Variants in KIF13B observed in about 807,000 individuals in gnomAD.
KIF13B encodes the protein kinesin-like protein KIF13B.
In KIF13B, 127 loss-of-function variants were observed where a neutral mutation model predicts 222.0. The observed-to-expected ratio is 0.57, with a 90% CI of 0.50 to 0.66. The LOEUF (loss-of-function observed/expected upper bound fraction) is 0.66. Ranked by LOEUF, KIF13B falls within the 30% of genes least tolerant of loss-of-function variation. The probability of loss-of-function intolerance (pLI) is 0.00; values close to 1 mark genes in which losing one functional copy is unlikely to be tolerated. For synonymous variants in KIF13B, 976 were observed against 919.0 expected (o/e 1.06, Z -1.12); for missense variants, 2,173 against 2,379.0 (o/e 0.91, Z 1.80).
At chr8:29,208,529 C>T (rs1299502860) in intron 2 of KIF13B, among the ~76,000 whole-genome samples, 1 of 151,994 alleles carries the variant, frequency 6.6e-6, no homozygotes, top group Non-Finnish European at 1.5e-5. Flanking sequence ...TAAAATAGTC[C>T]AGAGTCTATA....
rs1365888678 is a variant in KIF13B at position 29,177,462 on chromosome 8, T to C, written c.833+4A>G. The stretch of plus-strand genomic sequence containing the variant: ...CAATAAAAATAAGCTTTGAGAGCAC[T>C]TACTTGTTAATGTTGCTCCCTTCCT... On this transcript the variant is annotated splice_donor_region_variant and intron_variant, in intron 9 of 39. Coordinates refer to ENST00000524189, the MANE Select transcript of KIF13B (RefSeq NM_015254.4). The C allele has an allele frequency of 6.4e-7, 1 of 1,570,654 alleles. No homozygotes were observed. Among genetic ancestry groups the C allele is most frequent in the East Asian group, 2.2e-5 (1 of 44,714 alleles).
chr8:29,070,363 C>A lies in KIF13B; in HGVS notation c.*141G>T. The A allele has an allele frequency of 1.1e-6, 1 of 909,140 alleles. No individual in the cohort carries two copies. 56.3% of individuals were successfully genotyped at this position (909,140 alleles called of 1,614,324 possible). A position where few individuals can be genotyped will look rare whatever the true frequency, so the allele number is the denominator to read the frequency against. ...AGCTTCCAGAGGCCCAGGGAGGTCACCAGCCCTGTGTCGTGCAAAAAGCAT... is the reference window on the plus strand; with the variant it reads ...AGCTTCCAGAGGCCCAGGGAGGTCAACAGCCCTGTGTCGTGCAAAAAGCAT... On this transcript the variant is annotated 3_prime_UTR_variant, in exon 40 of 40. Transcript: ENST00000524189. This position sits in a 1 kb window ranked among gnomAD's most constrained non-coding sequence, Gnocchi z 4.1.
rs1811066520 is a variant in KIF13B at position 29,146,524 on chromosome 8, T to C, written c.2041A>G (p.Asn681Asp). The change falls in exon 18 of 40, where the codon AAC (asparagine) becomes GAC (aspartate). Residue 681 changes from asparagine to aspartate, a missense_variant. This residue lies in a region of KIF13B where 1,480 missense variants were observed against 1,722.8 expected (regional missense o/e 0.86). Coordinates refer to ENST00000524189, the MANE Select transcript of KIF13B (RefSeq NM_015254.4). The stretch of plus-strand genomic sequence containing the variant: ...TGTTCCCTCAGCCTCATCAGGCTGT[T>C]ATTCAACGTTGCTTCTCTAAAAAAA... ...WAEEREATLN[N>D]SLMRLREQIV... 6.2e-7 allele frequency: 1 copy of C among 1,613,524 alleles called. No individual in the cohort carries two copies. Among genetic ancestry groups the C allele is most frequent in the South Asian group, 1.1e-5 (1 of 90,996 alleles).
At chr8:29,138,170 T>C (rs7834147) in intron 21 of KIF13B, among the ~76,000 whole-genome samples, 125,997 of 151,918 alleles carry the variant, frequency 0.83, 52,881 homozygotes, top group Non-Finnish European at 0.87. Context: ...GCCAAGATAG[T>C]GAAACCCTGT....
At chr8:29,254,209 T>G (rs1448453203) in intron 1 of KIF13B, among the ~76,000 whole-genome samples, 5 of 152,200 alleles carry the variant, frequency 3.3e-5, no homozygotes, top group African/African-American at 1.2e-4. Context: ...AAGATCTAAA[T>G]GTAAGAGCTA....
rs143863354 is a variant in KIF13B, at chr8:29,227,839, T to A, written c.149+17507A>T. 4.9e-3 allele frequency among the ~76,000 whole-genome samples: 744 copies of A among 152,118 alleles called. 5 individuals are homozygous for A. Among genetic ancestry groups the A allele is most frequent in the African/African-American group, 0.017 (695 of 41,458 alleles). ...GGTGGTGCACGCCTGTAGCCCCAGCTACTCAGGAGGCTGAGGTGGGAGGAT... is the reference window on the plus strand; with the variant it reads ...GGTGGTGCACGCCTGTAGCCCCAGCAACTCAGGAGGCTGAGGTGGGAGGAT... On this transcript the variant is annotated intron_variant, in intron 2 of 39. Coordinates refer to ENST00000524189, the MANE Select transcript of KIF13B (RefSeq NM_015254.4).
intron 35 of KIF13B, among the ~76,000 whole-genome samples, chr8:29,099,717 C>T (rs1480964566): frequency 6.6e-6 from 1 of 152,082 alleles, no homozygotes; most frequent in Non-Finnish European, 1.5e-5. Flanking sequence ...ATTAATTTCT[C>T]CAACAATAAT....
At position 29,070,581 on chromosome 8, in the gene KIF13B, C is replaced by A; in HGVS notation, c.5404G>T (p.Ala1802Ser). Residue 1802 changes from alanine (A) to serine (S), a missense_variant, in exon 40 of 40, where the codon GCC becomes TCC. Around this residue, in one of 2 missense-constraint regions of KIF13B, gnomAD observed 693 missense variants for 656.2 expected, o/e 1.06. Transcript: ENST00000524189. This position sits in a 1 kb window ranked among gnomAD's most constrained non-coding sequence, Gnocchi z 4.1. ...ATLSGSATNL[A>S]SLTAALAKAD... The stretch of plus-strand genomic sequence containing the variant: ...TTGGCCAGGGCAGCTGTCAGCGAGG[C>A]CAGGTTGGTGGCGGAGCCCGAGAGG... The A allele has an allele frequency of 6.2e-7, 1 of 1,603,318 alleles. No individual in the cohort carries two copies. The highest frequency in any genetic ancestry group is 8.5e-7 in the Non-Finnish European group (1 of 1,175,308).
intron 18 of KIF13B, among the ~76,000 whole-genome samples, chr8:29,143,438 C>G (rs1563736893): frequency 6.6e-6 from 1 of 152,318 alleles, no homozygotes; most frequent in East Asian, 1.9e-4. Context: ...TTAATGATAC[C>G]AGTTTCCAAA....
chr8:29,240,272 T>TG (rs951169175), intron 2 of KIF13B, among the ~76,000 whole-genome samples: 6 of 148,758 alleles, frequency 4.0e-5, no homozygotes, highest in African/African-American at 1.2e-4. Flanking sequence ...CTTACAGATA[T>TG]GCTTAAAAAA....
At chr8:29,262,544 G>A (rs1281324620) in intron 1 of KIF13B, among the ~76,000 whole-genome samples, 1 of 151,856 alleles carries the variant, frequency 6.6e-6, no homozygotes, top group Non-Finnish European at 1.5e-5. Context: ...GGGGGGTCCC[G>A]GGCGGTCCCG....
Position 29,147,510 on chromosome 8 carries a change from C to A in KIF13B, c.1906G>T (p.Glu636Ter). ...LERQRLMYEH[E>*]LEQLRRRLSP... ...AGCCTTCTCCGGAGCTGCTCCAATT[C>A]GTGCTCATACATAAGCCTCTGGCGC... The change falls in exon 17 of 40, where the codon GAA (glutamate) becomes TAA (stop). Residue 636 changes from glutamate to a stop codon, truncating the protein, a stop_gained. Transcript: ENST00000524189. LOFTEE classifies it high-confidence loss of function. 1 of 1,613,738 alleles carries A rather than the reference C, an allele frequency of 6.2e-7. No homozygotes were observed. Among genetic ancestry groups the A allele is most frequent in the Non-Finnish European group, 8.5e-7 (1 of 1,179,814 alleles).
At chr8:29,199,651 C>A (rs1813604838) in intron 2 of KIF13B, among the ~76,000 whole-genome samples, 1 of 150,854 alleles carries the variant, frequency 6.6e-6, no homozygotes, top group South Asian at 2.1e-4. Context: ...GAATACTCAA[C>A]CTGTAATAAG....
At chr8:29,081,956 T>C (rs1807834600) in intron 37 of KIF13B, among the ~76,000 whole-genome samples, 1 of 152,254 alleles carries the variant, frequency 6.6e-6, no homozygotes, top group South Asian at 2.1e-4. Context: ...TTTCATCTGA[T>C]CTAGAAATCA....
intron 2 of KIF13B, among the ~76,000 whole-genome samples, chr8:29,199,028 T>C (rs914398417): frequency 7.2e-5 from 11 of 151,870 alleles, no homozygotes; most frequent in African/African-American, 2.7e-4. Context: ...GTATAACTCA[T>C]CCGTGTAACC....
rs188558220 is a variant in KIF13B at position 29,173,740 on chromosome 8, T to G, written c.945+2328A>C. Among the ~76,000 whole-genome samples, 480 of 152,140 alleles carry G rather than the reference T, an allele frequency of 3.2e-3. 3 individuals carry two copies. Among genetic ancestry groups the G allele is most frequent in the African/African-American group, 0.011 (455 of 41,508 alleles). On this transcript the variant is annotated intron_variant, in intron 10 of 39. Coordinates refer to ENST00000524189, the MANE Select transcript of KIF13B (RefSeq NM_015254.4). Reference sequence around the variant, plus strand: ...GGGTGGATCACTTGAGGTCAGGAGTTCAAGACCAGCCTGGTCAACATGGCA... The same window carrying G: ...GGGTGGATCACTTGAGGTCAGGAGTGCAAGACCAGCCTGGTCAACATGGCA...
chr8:29,111,000 A>G (rs1301742116), intron 32 of KIF13B, among the ~76,000 whole-genome samples: 1 of 152,258 alleles, frequency 6.6e-6, no homozygotes, highest in Non-Finnish European at 1.5e-5. Flanking sequence ...ACCATCAATT[A>G]TAAGACACAT....
upstream of KIF13B, chr8:29,263,213 G>T (rs1816756968): frequency 1.8e-6 from 1 of 569,266 alleles, no homozygotes; most frequent in East Asian, 3.4e-5. Flanking sequence ...AGTTCCCCAG[G>T]GTCGTCGTGG....
intron 32 of KIF13B, among the ~76,000 whole-genome samples, chr8:29,112,415 G>A (rs1809399681): frequency 7.4e-6 from 1 of 135,872 alleles, no homozygotes; most frequent in Non-Finnish European, 1.5e-5. Context: ...CCTGGTGACA[G>A]AGCGAGACTC....
Sources: gnomAD v4.1 joint callset for allele counts (sites outside exome capture counted in the v4.1 genomes callset) on GRCh38, gnomAD v4.1.1 for gene constraint, gnomAD v4.1.1 regional missense constraint, Gnocchi (gnomAD v3.1) non-coding constraint, MANE v1.5 for transcripts, NCBI Gene and HGNC (gene_info 2026-07-23, HGNC 2026-07-21) for gene names.